Variants in SLC38A12 observed in about 807,000 individuals in gnomAD.
SLC38A12 encodes solute carrier family 38 member 12.
the SLC38A12 span, chr17:74,836,321 C>A: frequency 6.2e-7 from 1 of 1,613,026 alleles, no homozygotes; most frequent in Non-Finnish European, 8.5e-7. The surrounding 1 kb of genome is among the most constrained non-coding windows in gnomAD (Gnocchi z 4.2). Flanking sequence ...TTGCCGTGAC[C>A]CTGCGCAACA....
the SLC38A12 span, among the ~76,000 whole-genome samples, chr17:74,820,091 A>G: frequency 1.8e-4 from 27 of 152,362 alleles, no homozygotes; most frequent in African/African-American, 6.5e-4. Flanking sequence ...CATAGTGTGG[A>G]TGGAGCTGGG....
At chr17:74,820,340 C>T in the SLC38A12 span, among the ~76,000 whole-genome samples, 1 of 152,238 alleles carries the variant, frequency 6.6e-6, no homozygotes, top group Non-Finnish European at 1.5e-5. Context: ...GCCACCAGGG[C>T]ATGAAAAGAC....
chr17:74,828,275 A>G, the SLC38A12 span, among the ~76,000 whole-genome samples: 1 of 152,330 alleles, frequency 6.6e-6, no homozygotes, highest in African/African-American at 2.4e-5. Context: ...GCAGCTCTCC[A>G]GGAAGCAGCC....
At chr17:74,802,571 G>A in the SLC38A12 span, among the ~76,000 whole-genome samples, 3 of 152,064 alleles carry the variant, frequency 2.0e-5, no homozygotes, top group Non-Finnish European at 4.4e-5. Flanking sequence ...GTGCAGGTTG[G>A]GTATCCCTTC....
At chr17:74,804,273 A>C in the SLC38A12 span, among the ~76,000 whole-genome samples, 2 of 152,280 alleles carry the variant, frequency 1.3e-5, no homozygotes, top group African/African-American at 4.8e-5. Flanking sequence ...ACTCAAAAGT[A>C]ATAGCCGTGA....
the SLC38A12 span, chr17:74,794,981 G>T: frequency 2.5e-6 from 4 of 1,575,216 alleles, no homozygotes. Flanking sequence ...TCTCTTTGTG[G>T]CTCCCTGACT....
chr17:74,834,646 T>G, the SLC38A12 span, among the ~76,000 whole-genome samples: 1 of 152,188 alleles, frequency 6.6e-6, no homozygotes, highest in Non-Finnish European at 1.5e-5. Flanking sequence ...CCTGGGGCTC[T>G]GCGGGGGGCC....
chr17:74,804,986 C>G, the SLC38A12 span, among the ~76,000 whole-genome samples: 1 of 152,328 alleles, frequency 6.6e-6, no homozygotes, highest in South Asian at 2.1e-4. Context: ...TGCCTTCGGG[C>G]TCTTAATAAA....
the SLC38A12 span, among the ~76,000 whole-genome samples, chr17:74,778,536 A>C: frequency 1.3e-5 from 2 of 152,066 alleles, no homozygotes; most frequent in East Asian, 3.8e-4. Context: ...GCTGGAAGAA[A>C]GCCTTCCTGA....
At chr17:74,802,758 A>T in the SLC38A12 span, among the ~76,000 whole-genome samples, 1 of 152,162 alleles carries the variant, frequency 6.6e-6, no homozygotes, top group Non-Finnish European at 1.5e-5. Flanking sequence ...GGAGCATTTC[A>T]GGTGTTGGAA....
the SLC38A12 span, among the ~76,000 whole-genome samples, chr17:74,788,551 C>G: frequency 1.1e-3 from 162 of 152,340 alleles, no homozygotes; most frequent in African/African-American, 3.6e-3. Flanking sequence ...TATTTTCCCT[C>G]CCATCACTTA....
At chr17:74,837,973 T>A in the SLC38A12 span, 1 of 985,902 alleles carries the variant, frequency 1.0e-6, no homozygotes, top group South Asian at 4.7e-5. Context: ...CTCCCTCTTT[T>A]GAGTTCAGTG....
At chr17:74,802,578 C>T in the SLC38A12 span, among the ~76,000 whole-genome samples, 19 of 152,194 alleles carry the variant, frequency 1.2e-4, no homozygotes, top group African/African-American at 4.6e-4. Flanking sequence ...TTGGGTATCC[C>T]TTCCCCAAAA....
chr17:74,827,364 C>T, the SLC38A12 span, among the ~76,000 whole-genome samples: 3 of 151,210 alleles, frequency 2.0e-5, no homozygotes, highest in Non-Finnish European at 4.4e-5. This position sits in a 1 kb window ranked among gnomAD's most constrained non-coding sequence, Gnocchi z 4.7. Flanking sequence ...AGCACAATCT[C>T]GGCTCACTCC....
the SLC38A12 span, among the ~76,000 whole-genome samples, chr17:74,805,615 G>A: frequency 5.3e-5 from 8 of 152,154 alleles, no homozygotes; most frequent in East Asian, 1.9e-4. The surrounding 1 kb of genome is among the most constrained non-coding windows in gnomAD (Gnocchi z 5.0). Context: ...CCTCCGTCCC[G>A]CCTCCAAGGT....
the SLC38A12 span, chr17:74,836,672 C>T: frequency 6.1e-5 from 98 of 1,600,346 alleles, no homozygotes; most frequent in East Asian, 2.1e-3. This position sits in a 1 kb window ranked among gnomAD's most constrained non-coding sequence, Gnocchi z 4.2. Flanking sequence ...TCATCCTCAG[C>T]GAGACCAAGC....
chr17:74,818,434 C>T, the SLC38A12 span, among the ~76,000 whole-genome samples: 12 of 152,138 alleles, frequency 7.9e-5, no homozygotes, highest in South Asian at 2.1e-4. Context: ...TTCAGTCCTC[C>T]GCATCACTCA....
the SLC38A12 span, among the ~76,000 whole-genome samples, chr17:74,808,847 C>T: frequency 6.6e-6 from 1 of 152,190 alleles, no homozygotes; most frequent in African/African-American, 2.4e-5. Flanking sequence ...CCTCCTGCAG[C>T]GGCCACAGTG....
chr17:74,796,985 G>C, the SLC38A12 span, among the ~76,000 whole-genome samples: 2 of 152,174 alleles, frequency 1.3e-5, no homozygotes, highest in East Asian at 3.9e-4. Context: ...AGGGGATGAA[G>C]GACAGGATTT....
Sources: allele counts gnomAD v4.1 joint callset (sites outside exome capture counted in the v4.1 genomes callset), GRCh38; gene constraint gnomAD v4.1.1; non-coding constraint Gnocchi (gnomAD v3.1); transcripts MANE v1.5; gene names NCBI Gene and HGNC (gene_info 2026-07-23, HGNC 2026-07-21).